Variants in RASGRP4 observed in about 807,000 individuals in gnomAD.
RASGRP4 encodes the protein RAS guanyl-releasing protein 4.
Under a neutral mutation model 84.4 loss-of-function variants are expected in RASGRP4, and 52 were observed. The ratio of observed to expected loss-of-function variants is 0.62; its 90% CI spans 0.49 to 0.78. The LOEUF (loss-of-function observed/expected upper bound fraction) is 0.78, where lower values mean the gene tolerates loss of function less well. Ranked by LOEUF, RASGRP4 falls within the 30% of genes least tolerant of loss-of-function variation. The pLI is 0.00. For missense variants in RASGRP4, 760 were observed against 886.9 expected (o/e 0.86, Z 1.82); for synonymous variants, 356 against 359.1 (o/e 0.99, Z 0.10).
In RASGRP4 at chr19:38,419,882, A is replaced by C; in HGVS notation, c.641T>G (p.Phe214Cys). 6.2e-7 allele frequency: 1 copy of C among 1,604,472 alleles called. No individual in the cohort carries two copies. Among genetic ancestry groups the C allele is most frequent in the Non-Finnish European group, 8.5e-7 (1 of 1,175,518 alleles). ...ELAQHLTYLE[F>C]RSFQAITPQD... is the part of the protein sequence containing the mutation. ...CACCGTGATAGCCTGGAAGGACCGGAACTCCAGGTAGGTGAGGTGCTGAGC... is the reference window on the plus strand; with the variant it reads ...CACCGTGATAGCCTGGAAGGACCGGCACTCCAGGTAGGTGAGGTGCTGAGC... The change falls in exon 6 of 17, where the codon TTC becomes TGC. Residue 214 changes from phenylalanine to cysteine, a missense_variant. Phe to Cys is a radical substitution (Grantham distance 205). Coordinates refer to ENST00000615439, the MANE Select transcript of RASGRP4 (RefSeq NM_170604.3).
At position 38,417,923 on chromosome 19, in the gene RASGRP4, GAGA is replaced by G. The variant is rs1201265969; in HGVS notation, c.837+465_837+467del. On this transcript the variant is annotated intron_variant, in intron 7 of 16. Coordinates refer to ENST00000615439, the MANE Select transcript of RASGRP4 (RefSeq NM_170604.3). The surrounding 1 kb of genome is among the most constrained non-coding windows in gnomAD (Gnocchi z 5.1). ...GGGCTTCCCTTTTCCCCAGAAGGGC[GAGA>G]AGGTGTCCGGAAAGGAGGGGGAAGG... Among the ~76,000 whole-genome samples the G allele has an allele frequency of 1.4e-4, 21 of 151,838 alleles. No homozygotes were observed. The highest frequency in any genetic ancestry group is 4.6e-4 in the African/African-American group (19 of 41,336).
intron 4 of RASGRP4, 85 bp downstream of exon 4, chr19:38,420,823 G>T: frequency 1.4e-6 from 2 of 1,391,872 alleles, no homozygotes; most frequent in Non-Finnish European, 2.0e-6. Flanking sequence ...GAACTGGCCT[G>T]GGGATTCTCT....
At chr19:38,422,630 C>A (rs748279062) in intron 1 of RASGRP4, among the ~76,000 whole-genome samples, 1 of 149,658 alleles carries the variant, frequency 6.7e-6, no homozygotes, top group Non-Finnish European at 1.5e-5. Context: ...ATCTAGGCTG[C>A]GTGCTGTTTA....
Position 38,412,082 on chromosome 19 carries a change from G to T in RASGRP4, c.1680+590C>A, listed in dbSNP as rs942801319. Among the ~76,000 whole-genome samples the T allele has an allele frequency of 4.2e-5, 5 of 117,984 alleles. No homozygotes were observed. 77.4% of individuals were successfully genotyped at this position (117,984 alleles called of 152,430 possible). A position where few individuals can be genotyped will look rare whatever the true frequency, so the allele number is the denominator to read the frequency against. On this transcript the variant is annotated intron_variant, in intron 13 of 16. Transcript: ENST00000615439. This position sits in a 1 kb window ranked among gnomAD's most constrained non-coding sequence, Gnocchi z 4.6. The stretch of plus-strand genomic sequence containing the variant: ...TCTACCCGGTTTGGAGATTATCCAG[G>T]TTTGTTGTTGTTGTTGTTGTTGTTG...
At chr19:38,416,969 G>A in intron 8 of RASGRP4, 83 bp downstream of exon 8, 1 of 812,776 alleles carries the variant, frequency 1.2e-6, no homozygotes, top group South Asian at 1.5e-5. Flanking sequence ...CCCTGGGCAG[G>A]AATGGACAGG....
chr19:38,419,732 GT>G, intron 6 of RASGRP4, 127 bp downstream of exon 6: 1 of 986,158 alleles, frequency 1.0e-6, no homozygotes, highest in Non-Finnish European at 1.5e-6. Flanking sequence ...ACAGGTTTGA[GT>G]TTAAGACTTT....
Sources: gnomAD v4.1 joint callset for allele counts (sites outside exome capture counted in the v4.1 genomes callset) on GRCh38, gnomAD v4.1.1 for gene constraint, Gnocchi (gnomAD v3.1) non-coding constraint, MANE v1.5 for transcripts, NCBI Gene and HGNC (gene_info 2026-07-23, HGNC 2026-07-21) for gene names.